The following KLHL1 variants were observed in gnomAD, a reference collection of about 807,000 sequenced individuals.
KLHL1 encodes kelch-like protein 1.
In KLHL1, 47 loss-of-function variants were observed where a neutral mutation model predicts 77.7. The observed-to-expected ratio is 0.60, with a 90% CI of 0.48 to 0.77. KLHL1 has a LOEUF of 0.77. Among genes scored for constraint, KLHL1 ranks in the 30% least tolerant of loss-of-function variants. KLHL1 has a pLI of 0.00. For synonymous variants in KLHL1, 360 were observed against 325.2 expected (o/e 1.11, Z -1.15); for missense variants, 925 against 910.8 (o/e 1.02, Z -0.20).
chr13:70,002,659 C>T (rs1221970223), intron 1 of KLHL1, among the ~76,000 whole-genome samples: 4 of 151,708 alleles, frequency 2.6e-5, no homozygotes, highest in Non-Finnish European at 4.4e-5. Flanking sequence ...TTAGACACAT[C>T]ATGTCAATGA....
chr13:69,719,298 A>G (rs1872926429), intron 9 of KLHL1, 71 bp downstream of exon 9: 1 of 1,346,364 alleles, frequency 7.4e-7, no homozygotes, highest in African/African-American at 1.4e-5. Context: ...CAATTTTTCC[A>G]ATCACTTGAA....
chr13:69,940,109 TA>T lies in KLHL1; in HGVS notation c.944del (p.Leu315Ter), dbSNP rs1186081560. ...GAGCATCTGCGAAGGCTCGAATTCCTAAACAGTTAGATGGATGCAAAAGCTT... is the reference window on the plus strand; with the variant it reads ...GAGCATCTGCGAAGGCTCGAATTCCTAACAGTTAGATGGATGCAAAAGCTT... ...LMKLLHPSNC[L>X]GIRAFADAQG... On this transcript the variant is annotated frameshift_variant, in exon 4 of 11. Coordinates refer to ENST00000377844, the MANE Select transcript of KLHL1 (RefSeq NM_020866.3). LOFTEE classifies it high-confidence loss of function. The T allele has an allele frequency of 6.2e-7, 1 of 1,613,198 alleles. No homozygotes were observed. The highest frequency in any genetic ancestry group is 8.5e-7 in the Non-Finnish European group (1 of 1,179,578).
At chr13:70,089,682 G>A (rs1319620156) in intron 1 of KLHL1, among the ~76,000 whole-genome samples, 1 of 152,034 alleles carries the variant, frequency 6.6e-6, no homozygotes, top group African/African-American at 2.4e-5. Context: ...TCTAGGTCCT[G>A]CAGATTTAAC....
intron 6 of KLHL1, among the ~76,000 whole-genome samples, chr13:69,805,954 A>G (rs997558063): frequency 6.6e-6 from 1 of 152,012 alleles, no homozygotes; most frequent in Admixed American, 6.6e-5. Flanking sequence ...CTCAAGGGGA[A>G]AAAACCCTAT....
intron 3 of KLHL1, among the ~76,000 whole-genome samples, chr13:69,957,300 T>C (rs965929936): frequency 6.6e-6 from 1 of 151,758 alleles, no homozygotes; most frequent in East Asian, 1.9e-4. Flanking sequence ...TAAAGGGCTT[T>C]TGCATTATGC....
chr13:70,044,193 T>C (rs1886442221), intron 1 of KLHL1, among the ~76,000 whole-genome samples: 1 of 152,170 alleles, frequency 6.6e-6, no homozygotes, highest in African/African-American at 2.4e-5. Flanking sequence ...TTTTGGAGTC[T>C]GTTTGTATTT....
intron 4 of KLHL1, among the ~76,000 whole-genome samples, chr13:69,886,074 A>G (rs1881205311): frequency 6.6e-6 from 1 of 152,182 alleles, no homozygotes; most frequent in Non-Finnish European, 1.5e-5. Context: ...AGGTGAGATA[A>G]TAATGGAGTA....
chr13:69,829,081 C>G (rs1480343235), intron 6 of KLHL1, among the ~76,000 whole-genome samples: 1 of 150,600 alleles, frequency 6.6e-6, no homozygotes, highest in Admixed American at 6.6e-5. Flanking sequence ...CTTATATCAG[C>G]TGATGCTCTC....
chr13:69,820,351 G>A (rs534822501), intron 6 of KLHL1, among the ~76,000 whole-genome samples: 6 of 152,196 alleles, frequency 3.9e-5, no homozygotes, highest in African/African-American at 1.4e-4. Flanking sequence ...TAACTCTTCA[G>A]TCCACAAGTC....
At position 69,796,724 on chromosome 13, in the gene KLHL1, A is replaced by C. The variant is rs747786810; in HGVS notation, c.1639+14T>G. ...CATGTTTCTAAAAGTAATATCAATA[A>C]AGTAAGATCTTACCTAGACCATGTC... On this transcript the variant is annotated intron_variant, in intron 7 of 10. Coordinates refer to ENST00000377844, the MANE Select transcript of KLHL1 (RefSeq NM_020866.3). 5.8e-6 allele frequency: 9 copies of C among 1,546,586 alleles called. 2 individuals carry two copies. The South Asian group carries it at 1.0e-4, about 17-fold the overall frequency.
intron 1 of KLHL1, among the ~76,000 whole-genome samples, chr13:70,086,427 A>ACAAAAAT (rs1053123156): frequency 6.6e-6 from 1 of 151,828 alleles, no homozygotes; most frequent in Non-Finnish European, 1.5e-5. Flanking sequence ...TATCAAAAAT[A>ACAAAAAT]CAAAAATTAG....
chr13:69,764,844 TGCATAATGCAATCA>T (rs1253767082), intron 7 of KLHL1, among the ~76,000 whole-genome samples: 47 of 150,640 alleles, frequency 3.1e-4, no homozygotes, highest in African/African-American at 1.1e-3. Flanking sequence ...CCCTAGAGGG[TGCATAATGCAATCA>T]TTTGGGGTAT....
intron 5 of KLHL1, among the ~76,000 whole-genome samples, chr13:69,857,474 C>T (rs904575273): frequency 6.6e-6 from 1 of 151,958 alleles, no homozygotes; most frequent in Non-Finnish European, 1.5e-5. Context: ...AAAGGTCTGC[C>T]ACAGAGTTGA....
intron 1 of KLHL1, among the ~76,000 whole-genome samples, chr13:69,992,923 G>GT (rs1885061340): frequency 6.8e-6 from 1 of 147,416 alleles, no homozygotes; most frequent in Non-Finnish European, 1.5e-5. Context: ...GCTGCAGAGG[G>GT]AAAAAAAAAA....
At chr13:69,997,512 T>A (rs1885186468) in intron 1 of KLHL1, among the ~76,000 whole-genome samples, 1 of 151,300 alleles carries the variant, frequency 6.6e-6, no homozygotes, top group Non-Finnish European at 1.5e-5. Context: ...TCTGTTTCTA[T>A]GAGTTTTACT....
chr13:69,845,414 A>T (rs2138121532), intron 5 of KLHL1, among the ~76,000 whole-genome samples: 1 of 151,800 alleles, frequency 6.6e-6, no homozygotes, highest in Non-Finnish European at 1.5e-5. Context: ...CCACTTTGTC[A>T]TTCTGCTGTA....
At chr13:69,930,635 C>T (rs1882970466) in intron 4 of KLHL1, among the ~76,000 whole-genome samples, 1 of 151,668 alleles carries the variant, frequency 6.6e-6, no homozygotes, top group South Asian at 2.1e-4. Context: ...AGGCAATATG[C>T]CATTGTTGTT....
chr13:70,075,388 C>T (rs1396381460), intron 1 of KLHL1, among the ~76,000 whole-genome samples: 1 of 150,978 alleles, frequency 6.6e-6, no homozygotes, highest in Non-Finnish European at 1.5e-5. Context: ...ATAAATCTAT[C>T]TTTGCTCACA....
At chr13:69,816,290 T>C (rs1746360874) in intron 6 of KLHL1, among the ~76,000 whole-genome samples, 1 of 150,040 alleles carries the variant, frequency 6.7e-6, no homozygotes, top group African/African-American at 2.5e-5. Flanking sequence ...GGAGACAGTC[T>C]CCCTCTGTCA....
Sources: allele counts gnomAD v4.1 joint callset (sites outside exome capture counted in the v4.1 genomes callset), GRCh38; gene constraint gnomAD v4.1.1; transcripts MANE v1.5; gene names NCBI Gene and HGNC (gene_info 2026-07-23, HGNC 2026-07-21).